The following PSMA6 variants were observed in gnomAD, a reference collection of about 807,000 sequenced individuals.
PSMA6 encodes proteasome subunit alpha type-6.
For synonymous variants in PSMA6, 88 were observed against 97.7 expected (o/e 0.90, Z 0.59); for missense variants, 170 against 294.8 (o/e 0.58, Z 3.10).
rs559327305 is a variant in PSMA6 at position 35,310,266 on chromosome 14, C to G, written c.254-474C>G. The G allele has an allele frequency of 2.8e-4, 120 of 425,282 alleles. 1 individual carries two copies. Among genetic ancestry groups the G allele is most frequent in the African/African-American group, 2.4e-3 (112 of 46,982 alleles). 26.3% of individuals were successfully genotyped at this position (425,282 alleles called of 1,614,324 possible). ...CCGCCTCCTGGGTTCAAGCAATTCT[C>G]GTGCCTCAACCTCCCAGGTAGCTGG... is the stretch of plus-strand genomic sequence containing the variant. On this transcript the variant is annotated intron_variant, in intron 3 of 6. Coordinates refer to ENST00000261479, the MANE Select transcript of PSMA6 (RefSeq NM_002791.3).
chr14:35,289,130 T>A (rs1438999868), upstream of PSMA6, among the ~76,000 whole-genome samples: 1 of 152,110 alleles, frequency 6.6e-6, no homozygotes, highest in Non-Finnish European at 1.5e-5. Flanking sequence ...GAATTTAAAT[T>A]CAGGTTTAAA....
intron 1 of PSMA6, 110 bp downstream of exon 1, chr14:35,292,662 G>T: frequency 6.6e-7 from 1 of 1,521,404 alleles, no homozygotes; most frequent in Non-Finnish European, 8.8e-7. Flanking sequence ...CTGGGCTGGA[G>T]CTGGGAAGGG....
chr14:35,304,814 C>T (rs976221075), intron 1 of PSMA6, among the ~76,000 whole-genome samples: 8 of 152,078 alleles, frequency 5.3e-5, no homozygotes, highest in Non-Finnish European at 1.0e-4. Context: ...GGTTATGGCT[C>T]ATACCTGCTG....
At chr14:35,280,157 C>T (rs1253931244) in intron 1 of PSMA6, among the ~76,000 whole-genome samples, 2 of 138,332 alleles carry the variant, frequency 1.4e-5, no homozygotes, top group East Asian at 2.5e-4. Context: ...ATGTATTTTT[C>T]GGCCTGGCGC....
At chr14:35,287,888 G>A (rs989089083), upstream of PSMA6, among the ~76,000 whole-genome samples, 2 of 151,714 alleles carry the variant, frequency 1.3e-5, no homozygotes, top group Non-Finnish European at 2.9e-5. Context: ...CCCGGAGCCC[G>A]TTGGCACATA....
chr14:35,295,377 C>T (rs2051564095), intron 1 of PSMA6, among the ~76,000 whole-genome samples: 1 of 150,788 alleles, frequency 6.6e-6, no homozygotes, highest in Non-Finnish European at 1.5e-5. Context: ...TAATTATAAA[C>T]ATACTTTATA....
chr14:35,295,048 T>C (rs565565285), intron 1 of PSMA6, among the ~76,000 whole-genome samples: 5 of 152,300 alleles, frequency 3.3e-5, no homozygotes, highest in South Asian at 2.1e-4. Context: ...TTTAAAGTTA[T>C]AATGCTTGGC....
upstream of PSMA6, among the ~76,000 whole-genome samples, chr14:35,288,536 C>A (rs1157952712): frequency 1.3e-5 from 2 of 152,136 alleles, no homozygotes; most frequent in African/African-American, 4.8e-5. Flanking sequence ...ACAACAAAAA[C>A]AGATGTGGCC....
intron 1 of PSMA6, among the ~76,000 whole-genome samples, chr14:35,280,356 A>G (rs575865880): frequency 1.3e-5 from 2 of 148,406 alleles, no homozygotes; most frequent in Admixed American, 6.7e-5. Flanking sequence ...CTCCATCCAC[A>G]TTTTGGTCTC....
At position 35,302,292 on chromosome 14, in the gene PSMA6, G is replaced by T. The variant is rs1008205988; in HGVS notation, c.77-5702G>T. The stretch of plus-strand genomic sequence containing the variant: ...TGTCCAGGCTGGTCTTAAACTTCTG[G>T]GCTCAAGCGATCCTCCCCATTCAGC... On this transcript the variant is annotated intron_variant, in intron 1 of 6. Coordinates refer to ENST00000261479, the MANE Select transcript of PSMA6 (RefSeq NM_002791.3). 4.6e-5 allele frequency among the ~76,000 whole-genome samples: 7 copies of T among 151,948 alleles called. 1 individual carries two copies. The South Asian group carries it at 1.5e-3, about 32-fold the overall frequency.
chr14:35,307,911 T>C, intron 1 of PSMA6, 83 bp from the exon 2 acceptor site: 1 of 1,323,314 alleles, frequency 7.6e-7, no homozygotes, highest in Non-Finnish European at 1.1e-6. Context: ...TAGCTCTTTC[T>C]CATTCTTTTT....
intron 1 of PSMA6, among the ~76,000 whole-genome samples, chr14:35,300,804 G>C (rs894079769): frequency 3.3e-5 from 5 of 152,160 alleles, no homozygotes; most frequent in African/African-American, 1.2e-4. Flanking sequence ...CATTTCTTGG[G>C]AAAGGGCAGG....
Position 35,310,798 on chromosome 14 carries a change from G to A in PSMA6, c.312G>A (p.Lys104=). Residue 104 remains lysine (K), a synonymous_variant, in exon 4 of 7, where the codon AAG becomes AAA. Coordinates refer to ENST00000261479, the MANE Select transcript of PSMA6 (RefSeq NM_002791.3). Reference sequence around the variant, plus strand: ...ATGAGGCAGCTAACTGGAAATACAAGTATGGCTATGAGATTCCTGTGGACA... The same window carrying A: ...ATGAGGCAGCTAACTGGAAATACAAATATGGCTATGAGATTCCTGTGGACA... ...ARYEAANWKY[K]YGYEIPVDML... 3 of 1,613,104 alleles carry A rather than the reference G, an allele frequency of 1.9e-6. No individual in the cohort carries two copies. Among genetic ancestry groups the A allele is most frequent in the Non-Finnish European group, 2.5e-6 (3 of 1,179,796 alleles).
At chr14:35,317,226 T>C in intron 6 of PSMA6, 23 bp from the exon 7 acceptor site, 1 of 1,609,318 alleles carries the variant, frequency 6.2e-7, no homozygotes, top group Non-Finnish European at 8.5e-7. Context: ...AATCGTTGTT[T>C]TTTTCCCCCT....
chr14:35,281,165 G>A (rs1384094475), intron 1 of PSMA6, among the ~76,000 whole-genome samples: 1 of 152,126 alleles, frequency 6.6e-6, no homozygotes, highest in African/African-American at 2.4e-5. Flanking sequence ...TTCAATAGCA[G>A]TGCAAATTCT....
chr14:35,284,909 T>C (rs1182465986), intron 1 of PSMA6, among the ~76,000 whole-genome samples: 1 of 152,216 alleles, frequency 6.6e-6, no homozygotes, highest in African/African-American at 2.4e-5. Flanking sequence ...CCCAGAGTTT[T>C]TAATCTTTGG....
At chr14:35,306,086 G>A (rs2051821252) in intron 1 of PSMA6, among the ~76,000 whole-genome samples, 1 of 151,588 alleles carries the variant, frequency 6.6e-6, no homozygotes, top group Non-Finnish European at 1.5e-5. Context: ...AAAATTAGCT[G>A]GGTGTGGTGG....
At chr14:35,304,850 G>A (rs2138738346) in intron 1 of PSMA6, among the ~76,000 whole-genome samples, 1 of 152,282 alleles carries the variant, frequency 6.6e-6, no homozygotes, top group Non-Finnish European at 1.5e-5. Flanking sequence ...CAGAAGCCGA[G>A]GCAAGAGGAT....
intron 1 of PSMA6, chr14:35,293,083 G>C (rs1388872937): frequency 2.2e-6 from 1 of 445,504 alleles, no homozygotes; most frequent in Admixed American, 2.5e-5. Context: ...TAGAGTGACA[G>C]ATACGTTAAA....
Sources: allele counts gnomAD v4.1 joint callset (sites outside exome capture counted in the v4.1 genomes callset), GRCh38; gene constraint gnomAD v4.1.1; transcripts MANE v1.5; gene names NCBI Gene and HGNC (gene_info 2026-07-23, HGNC 2026-07-21).